CTNNA3: variants seen among roughly 807,000 people sequenced by gnomAD.
CTNNA3 encodes the protein catenin alpha-3.
Under a neutral mutation model 95.7 loss-of-function variants are expected in CTNNA3, and 76 were observed. That is an observed-to-expected ratio of 0.79 (90% CI 0.66 to 0.96). The LOEUF is 0.96. CTNNA3 is among the 40% of genes least tolerant of loss of function. The pLI is 0.00. For missense variants in CTNNA3, 1,191 were observed against 1,089.8 expected (o/e 1.09, Z -1.31); for synonymous variants, 431 against 374.4 (o/e 1.15, Z -1.74).
chr10:67,025,089 A>C lies in CTNNA3; in HGVS notation c.1047+155228T>G, dbSNP rs182347216. Among the ~76,000 whole-genome samples the C allele has an allele frequency of 8.5e-3, 1,238 of 146,246 alleles. 12 individuals are homozygous for C. The highest frequency in any genetic ancestry group is 0.013 in the Non-Finnish European group (875 of 67,260). On this transcript the variant is annotated intron_variant, in intron 7 of 17. Coordinates refer to ENST00000433211, the MANE Select transcript of CTNNA3 (RefSeq NM_013266.4). ...GGTTGCGGTGAGCCGAGATCATGCC[A>C]TTGCACACTCCAGCCTGAGCAACAA...
At chr10:67,393,757 G>T (rs986022882) in intron 5 of CTNNA3, among the ~76,000 whole-genome samples, 7 of 152,160 alleles carry the variant, frequency 4.6e-5, no homozygotes, top group Non-Finnish European at 5.9e-5. Context: ...TGGGGTTTCT[G>T]TACTAGTTGG....
chr10:66,331,074 A>C (rs2092321407), intron 12 of CTNNA3, among the ~76,000 whole-genome samples: 2 of 152,048 alleles, frequency 1.3e-5, no homozygotes, highest in Admixed American at 1.3e-4. Flanking sequence ...TAGTTTAATT[A>C]GATCCCATTT....
At chr10:66,970,024 T>C (rs1849631050) in intron 7 of CTNNA3, among the ~76,000 whole-genome samples, 1 of 152,130 alleles carries the variant, frequency 6.6e-6, no homozygotes, top group East Asian at 1.9e-4. Flanking sequence ...AGAATTGACT[T>C]GGAGTCAAGG....
At chr10:67,636,982 T>C (rs1839337822) in intron 2 of CTNNA3, among the ~76,000 whole-genome samples, 1 of 152,198 alleles carries the variant, frequency 6.6e-6, no homozygotes, top group African/African-American at 2.4e-5. Flanking sequence ...GGAATGCAGC[T>C]CCTCACTAGC....
Position 67,080,647 on chromosome 10 carries a change from C to T in CTNNA3, c.1047+99670G>A, listed in dbSNP as rs912344818. Among the ~76,000 whole-genome samples the T allele has an allele frequency of 3.3e-5, 5 of 152,064 alleles. No individual in the cohort carries two copies. In the South Asian group the frequency reaches 8.3e-4, roughly 25 times the overall value. ...AGTAACGGCCGGGCATGGTGGCTCA[C>T]GCCTGTAATCCCAGCACTTTGGGAG... On this transcript the variant is annotated intron_variant, in intron 7 of 17. Transcript: ENST00000433211.
intron 7 of CTNNA3, among the ~76,000 whole-genome samples, chr10:67,143,282 C>T (rs978160857): frequency 2.6e-5 from 4 of 151,760 alleles, no homozygotes; most frequent in South Asian, 2.1e-4. Context: ...CTAAGCCAAG[C>T]GTGGTGGCGG....
intron 9 of CTNNA3, among the ~76,000 whole-genome samples, chr10:66,684,320 C>G (rs892829604): frequency 6.6e-6 from 1 of 152,020 alleles, no homozygotes. Flanking sequence ...TTCAATAATA[C>G]CAAGCTTGAG....
intron 5 of CTNNA3, among the ~76,000 whole-genome samples, chr10:67,310,405 A>T (rs541172884): frequency 6.6e-6 from 1 of 152,258 alleles, no homozygotes; most frequent in South Asian, 2.1e-4. Flanking sequence ...ACACAAAAAA[A>T]CTTCTTTTTA....
chr10:66,722,310 G>A (rs866580512), intron 9 of CTNNA3, among the ~76,000 whole-genome samples: 24 of 151,710 alleles, frequency 1.6e-4, no homozygotes, highest in Admixed American at 8.5e-4. Context: ...CCTGGGAGGC[G>A]GAGCTTGCAG....
intron 12 of CTNNA3, among the ~76,000 whole-genome samples, chr10:66,328,933 T>TATATATATATATATACAC (rs59003281): frequency 1.3e-3 from 149 of 115,368 alleles, no homozygotes; most frequent in Middle Eastern, 4.9e-3. Flanking sequence ...TATATATATA[T>TATATATATATATATACAC]ACACACACAC....
intron 12 of CTNNA3, among the ~76,000 whole-genome samples, chr10:66,354,950 A>C (rs1277234119): frequency 6.6e-6 from 1 of 152,128 alleles, no homozygotes; most frequent in East Asian, 1.9e-4. Flanking sequence ...ATCTACACTT[A>C]TCAGTCTTAA....
intron 11 of CTNNA3, among the ~76,000 whole-genome samples, chr10:66,414,731 C>T (rs1296844504): frequency 6.6e-6 from 1 of 152,134 alleles, no homozygotes; most frequent in East Asian, 1.9e-4. Flanking sequence ...GGCTGCTGCT[C>T]CCAGGGCTTA....
intron 7 of CTNNA3, among the ~76,000 whole-genome samples, chr10:67,104,470 T>TG (rs1858515678): frequency 6.6e-6 from 1 of 151,992 alleles, no homozygotes; most frequent in Non-Finnish European, 1.5e-5. Flanking sequence ...CCTTGTTTCA[T>TG]TACTTCGTGG....
intron 7 of CTNNA3, among the ~76,000 whole-genome samples, chr10:66,870,362 T>A (rs1459446876): frequency 6.6e-6 from 1 of 152,226 alleles, no homozygotes; most frequent in African/African-American, 2.4e-5. Flanking sequence ...TTTATTGTAA[T>A]GTTAAATTTA....
intron 12 of CTNNA3, among the ~76,000 whole-genome samples, chr10:66,368,677 T>C (rs2132455364): frequency 1.3e-5 from 2 of 152,244 alleles, no homozygotes; most frequent in Middle Eastern, 6.8e-3. Context: ...AAAACACTAA[T>C]ACCGATTTAC....
chr10:67,609,090 C>CAAAAAAAAAAA (rs397977100), intron 2 of CTNNA3, among the ~76,000 whole-genome samples: 1 of 79,684 alleles, frequency 1.3e-5, no homozygotes. Flanking sequence ...AACTCTATCT[C>CAAAAAAAAAAA]AAAAAAAAAA....
chr10:67,040,730 G>A (rs772458205), intron 7 of CTNNA3, among the ~76,000 whole-genome samples: 6 of 152,120 alleles, frequency 3.9e-5, no homozygotes, highest in Middle Eastern at 3.4e-3. Flanking sequence ...GGTTAACCAA[G>A]ATGTCAGGAA....
intron 5 of CTNNA3, among the ~76,000 whole-genome samples, chr10:67,452,432 A>G (rs1847024043): frequency 6.6e-6 from 1 of 152,224 alleles, no homozygotes; most frequent in South Asian, 2.1e-4. Flanking sequence ...TCTAATTTAA[A>G]TTAAATAGTA....
intron 8 of CTNNA3, 117 bp from the exon 9 acceptor site, chr10:66,766,533 A>C (rs1342506509): frequency 2.4e-6 from 2 of 840,410 alleles, no homozygotes; most frequent in Non-Finnish European, 3.5e-6. Flanking sequence ...CAATTCCTAA[A>C]ATCACAATAC....
Sources: gnomAD v4.1 joint callset for allele counts (sites outside exome capture counted in the v4.1 genomes callset) on GRCh38, gnomAD v4.1.1 for gene constraint, MANE v1.5 for transcripts, NCBI Gene and HGNC (gene_info 2026-07-23, HGNC 2026-07-21) for gene names.